WDR86: variants seen among roughly 807,000 people sequenced by gnomAD.
WDR86 encodes WD repeat-containing protein 86.
A neutral mutation model predicts 36.5 loss-of-function variants in WDR86; 30 were observed. That is an observed-to-expected ratio of 0.82 (90% CI 0.61 to 1.11). The LOEUF is 1.11. Ranked by LOEUF, WDR86 falls within the 50% of genes most tolerant of loss-of-function variation. WDR86 has a pLI of 0.00. For missense variants in WDR86, 545 were observed against 561.2 expected (o/e 0.97, Z 0.29); for synonymous variants, 255 against 252.9 (o/e 1.01, Z -0.08).
Position 151,395,998 on chromosome 7 carries a change from G to A in WDR86, c.504C>T (p.Thr168=), listed in dbSNP as rs1321604420. 3.7e-6 allele frequency: 6 copies of A among 1,600,590 alleles called. No homozygotes were observed. Among genetic ancestry groups the A allele is most frequent in the Middle Eastern group, 1.7e-4 (1 of 6,008 alleles). The change falls in exon 3 of 6, where the codon ACC becomes ACT. Residue 168 remains threonine, a synonymous_variant. Coordinates refer to ENST00000334493, the MANE Select transcript of WDR86 (RefSeq NM_198285.3). ...CCTTGGCTGTGCCATCTGTGCTGCC[G>A]GTCACCAGAAGCCCCCCGGCCGCGG... ...EEAAAGGLLV[T]GSTDGTAKVW... is the part of the protein sequence containing the mutation.
intron 4 of WDR86, 43 bp from the exon 5 acceptor site, chr7:151,382,024 C>T (rs556557775): frequency 2.4e-5 from 37 of 1,530,650 alleles, no homozygotes; most frequent in Non-Finnish European, 3.1e-5. Context: ...CCCTGCTCGG[C>T]CCCCCGCAAG....
At position 151,405,430 on chromosome 7, in the gene WDR86, G is replaced by C. The variant is rs1466613516; in HGVS notation, c.163+3997C>G. ...CTTGCTGTTCCGAGCCACGGCCACT[G>C]TGGTTCCCTTATGCTCCACCTGCAT... On this transcript the variant is annotated intron_variant, in intron 1 of 5. Transcript: ENST00000334493. This position sits in a 1 kb window ranked among gnomAD's most constrained non-coding sequence, Gnocchi z 4.7. Among the ~76,000 whole-genome samples, 1 of 152,190 alleles carries C rather than the reference G, an allele frequency of 6.6e-6. No individual in the cohort carries two copies. Among genetic ancestry groups the C allele is most frequent in the Non-Finnish European group, 1.5e-5 (1 of 68,036 alleles).
Position 151,409,736 on chromosome 7 carries a change from G to A in WDR86, c.-147C>T. 2.2e-5 allele frequency: 29 copies of A among 1,301,144 alleles called. No individual in the cohort carries two copies. The highest frequency in any genetic ancestry group is 2.8e-5 in the Non-Finnish European group (29 of 1,029,386). 80.6% of individuals were successfully genotyped at this position (1,301,144 alleles called of 1,614,324 possible). A position where few individuals can be genotyped will look rare whatever the true frequency, so the allele number is the denominator to read the frequency against. On this transcript the variant is annotated 5_prime_UTR_variant, in exon 1 of 6. Coordinates refer to ENST00000334493, the MANE Select transcript of WDR86 (RefSeq NM_198285.3). The surrounding 1 kb of genome is among the most constrained non-coding windows in gnomAD (Gnocchi z 5.2). ...CTCCTGCGGAGGCACGCGGCGAGGGGAGGGTGAAGGACCCTAGCTCCCCGC... is the reference window on the plus strand; with the variant it reads ...CTCCTGCGGAGGCACGCGGCGAGGGAAGGGTGAAGGACCCTAGCTCCCCGC...
intron 3 of WDR86, among the ~76,000 whole-genome samples, chr7:151,387,999 C>T (rs967196112): frequency 6.6e-6 from 1 of 152,266 alleles, no homozygotes; most frequent in South Asian, 2.1e-4. Context: ...GTGCGCCACA[C>T]GCAGCCCAGG....
At chr7:151,402,885 T>C (rs2150856820) in intron 1 of WDR86, among the ~76,000 whole-genome samples, 1 of 152,318 alleles carries the variant, frequency 6.6e-6, no homozygotes. Flanking sequence ...CTGATCTTAG[T>C]AGGGCCTGCC....
At chr7:151,376,352 G>A (rs1020916422), downstream of WDR86, 11 of 491,366 alleles carry the variant, frequency 2.2e-5, no homozygotes, top group East Asian at 1.0e-4. Flanking sequence ...CACTGACCTC[G>A]CGGTGCTCGT....
At chr7:151,379,256 T>G (rs73727159), downstream of WDR86, among the ~76,000 whole-genome samples, 4,101 of 152,144 alleles carry the variant, frequency 0.027, 190 homozygotes, top group African/African-American at 0.093. Context: ...GCGGGGAGGT[T>G]GGATGCCATT....
chr7:151,372,691 A>G (rs537394922), downstream of WDR86, among the ~76,000 whole-genome samples: 1 of 152,296 alleles, frequency 6.6e-6, no homozygotes, highest in South Asian at 2.1e-4. Flanking sequence ...GAGTAGCAGA[A>G]TAAGGAGCTG....
At position 151,390,949 on chromosome 7, in the gene WDR86, G is replaced by A. The variant is rs1440121155; in HGVS notation, c.726+4827C>T. 6.6e-6 allele frequency among the ~76,000 whole-genome samples: 1 copy of A among 152,232 alleles called. No homozygotes were observed. Among genetic ancestry groups the A allele is most frequent in the East Asian group, 1.9e-4 (1 of 5,202 alleles). On this transcript the variant is annotated intron_variant, in intron 3 of 5. Coordinates refer to ENST00000334493, the MANE Select transcript of WDR86 (RefSeq NM_198285.3). This position sits in a 1 kb window ranked among gnomAD's most constrained non-coding sequence, Gnocchi z 4.5. ...CTGATTTGGGCTGATGGAAAAGTCT[G>A]GAAATCATGGTATGATGCTTGCACA...
Position 151,388,816 on chromosome 7 carries a change from T to C in WDR86, c.727-3593A>G, listed in dbSNP as rs976266040. On this transcript the variant is annotated intron_variant, in intron 3 of 5. Coordinates refer to ENST00000334493, the MANE Select transcript of WDR86 (RefSeq NM_198285.3). The surrounding 1 kb of genome is among the most constrained non-coding windows in gnomAD (Gnocchi z 4.2). ...GGGGTATATGAAGCTATGGTCTGAG[T>C]GTCGGAACCCCCCAAATTCATGCTG... 1.3e-5 allele frequency among the ~76,000 whole-genome samples: 2 copies of C among 152,114 alleles called. No homozygotes were observed. Among genetic ancestry groups the C allele is most frequent in the African/African-American group, 4.8e-5 (2 of 41,418 alleles).
rs750469527 is a variant in WDR86, at chr7:151,409,389, T to C, written c.163+38A>G. ...GGTCCGCGGTCTGGGGCCGGTGAGCTGCGGCGAAGAGGTCAGGGAGGGAGT... is the reference window on the plus strand; with the variant it reads ...GGTCCGCGGTCTGGGGCCGGTGAGCCGCGGCGAAGAGGTCAGGGAGGGAGT... On this transcript the variant is annotated intron_variant, in intron 1 of 5. Coordinates refer to ENST00000334493, the MANE Select transcript of WDR86 (RefSeq NM_198285.3). The surrounding 1 kb of genome is among the most constrained non-coding windows in gnomAD (Gnocchi z 5.2). 7.7e-6 allele frequency: 12 copies of C among 1,551,506 alleles called. No homozygotes were observed. In the African/African-American group the frequency reaches 1.6e-4, roughly 21 times the overall value.
chr7:151,375,098 G>A (rs1352788373), downstream of WDR86, among the ~76,000 whole-genome samples: 2 of 152,174 alleles, frequency 1.3e-5, no homozygotes, highest in Non-Finnish European at 2.9e-5. Context: ...TGAGGCGGGT[G>A]TGGGTGCAGC....
intron 2 of WDR86, 31 bp downstream of exon 2, chr7:151,400,069 A>G (rs1800168870): frequency 6.6e-7 from 1 of 1,517,132 alleles, no homozygotes; most frequent in Non-Finnish European, 8.9e-7. Context: ...ATGTATGGTG[A>G]GACTCAGCCC....
At chr7:151,397,337 G>A (rs10273771) in intron 2 of WDR86, among the ~76,000 whole-genome samples, 105,563 of 152,228 alleles carry the variant, frequency 0.69, 36,731 homozygotes, top group East Asian at 0.81. Context: ...GCAGCTCAAC[G>A]ACACATGACT....
At chr7:151,382,618 G>A (rs982507432) in intron 4 of WDR86, among the ~76,000 whole-genome samples, 2 of 152,266 alleles carry the variant, frequency 1.3e-5, no homozygotes, top group Non-Finnish European at 2.9e-5. Flanking sequence ...GGCGGGGCCT[G>A]AGAATCGGCA....
At chr7:151,383,002 G>A (rs533582639) in intron 4 of WDR86, among the ~76,000 whole-genome samples, 11 of 151,014 alleles carry the variant, frequency 7.3e-5, no homozygotes, top group African/African-American at 2.4e-4. Flanking sequence ...TTTCTTACAG[G>A]GAGACAGGGT....
downstream of WDR86, chr7:151,378,325 C>T (rs966268978): frequency 4.6e-5 from 7 of 152,270 alleles, no homozygotes; most frequent in African/African-American, 9.6e-5. Flanking sequence ...CATGCGGAGC[C>T]GGCTGAAATG....
rs1800644978 is a variant in WDR86 at position 151,405,506 on chromosome 7, T to C, written c.163+3921A>G. Among the ~76,000 whole-genome samples, 1 of 152,146 alleles carries C rather than the reference T, an allele frequency of 6.6e-6. No individual in the cohort carries two copies. Among genetic ancestry groups the C allele is most frequent in the African/African-American group, 2.4e-5 (1 of 41,408 alleles). On this transcript the variant is annotated intron_variant, in intron 1 of 5. Transcript: ENST00000334493. This position sits in a 1 kb window ranked among gnomAD's most constrained non-coding sequence, Gnocchi z 4.7. ...TCCTGGTAGAACCCAGTTTCGAGGG[T>C]GCTGGGACCCTGAGGCAGGTGACAT...
chr7:151,393,557 C>T (rs1464333440), intron 3 of WDR86, among the ~76,000 whole-genome samples: 1 of 152,168 alleles, frequency 6.6e-6, no homozygotes, highest in Non-Finnish European at 1.5e-5. Flanking sequence ...TCTATGCCTG[C>T]GCTGGTTCCT....
Sources: gnomAD v4.1 joint callset for allele counts (sites outside exome capture counted in the v4.1 genomes callset) on GRCh38, gnomAD v4.1.1 for gene constraint, Gnocchi (gnomAD v3.1) non-coding constraint, MANE v1.5 for transcripts, NCBI Gene and HGNC (gene_info 2026-07-23, HGNC 2026-07-21) for gene names.